Variants in EIF2AK3 observed in about 807,000 individuals in gnomAD.
The protein encoded by EIF2AK3 is eukaryotic translation initiation factor 2-alpha kinase 3.
Under a neutral mutation model 113.5 loss-of-function variants are expected in EIF2AK3, and 50 were observed. That is an observed-to-expected ratio of 0.44 (90% CI 0.35 to 0.56). EIF2AK3 has a LOEUF of 0.56. EIF2AK3 is among the 20% of genes least tolerant of loss of function. EIF2AK3 has a pLI of 0.00. For synonymous variants in EIF2AK3, 448 were observed against 495.4 expected (o/e 0.90, Z 1.27); for missense variants, 1,185 against 1,378.0 (o/e 0.86, Z 2.22).
intron 12 of EIF2AK3, among the ~76,000 whole-genome samples, chr2:88,576,180 A>G (rs1291575576): frequency 6.6e-6 from 1 of 152,222 alleles, no homozygotes; most frequent in Non-Finnish European, 1.5e-5. Flanking sequence ...AAAAGTCACT[A>G]TAAATCCCTC....
chr2:88,559,768 C>T (rs762905368), intron 15 of EIF2AK3, among the ~76,000 whole-genome samples: 9 of 152,128 alleles, frequency 5.9e-5, no homozygotes, highest in Non-Finnish European at 1.2e-4. Flanking sequence ...GATTCATCTA[C>T]GTTGCGGCAC....
intron 1 of EIF2AK3, among the ~76,000 whole-genome samples, chr2:88,621,577 C>T (rs372761420): frequency 1.5e-3 from 224 of 152,250 alleles, no homozygotes; most frequent in South Asian, 7.5e-3. Context: ...AAACTTGTGC[C>T]CTCACTAAAG....
chr2:88,593,479 CTG>C, intron 3 of EIF2AK3, 74 bp from the exon 4 acceptor site: 1 of 1,566,152 alleles, frequency 6.4e-7, no homozygotes, highest in South Asian at 1.1e-5. Flanking sequence ...TTAAAGGAAT[CTG>C]TAATTTTTAA....
At chr2:88,596,681 G>T (rs1458177701) in intron 2 of EIF2AK3, among the ~76,000 whole-genome samples, 3 of 152,154 alleles carry the variant, frequency 2.0e-5, no homozygotes, top group Non-Finnish European at 2.9e-5. Context: ...CAAGGAAAGT[G>T]AACAGGCTGA....
At chr2:88,616,456 C>T (rs951556801) in intron 1 of EIF2AK3, among the ~76,000 whole-genome samples, 5 of 152,096 alleles carry the variant, frequency 3.3e-5, no homozygotes, top group East Asian at 1.9e-4. Flanking sequence ...GACAGAGTTG[C>T]GCTCTTGTCG....
intron 3 of EIF2AK3, among the ~76,000 whole-genome samples, chr2:88,594,502 G>T (rs912375079): frequency 1.3e-5 from 2 of 152,122 alleles, no homozygotes; most frequent in African/African-American, 4.8e-5. Flanking sequence ...TGGTTGAAAG[G>T]ATGCTTTTAA....
chr2:88,567,178 G>A (rs1674153359), intron 14 of EIF2AK3, among the ~76,000 whole-genome samples: 1 of 151,374 alleles, frequency 6.6e-6, no homozygotes, highest in African/African-American at 2.4e-5. Context: ...TGTATATAAA[G>A]CTTAGTATTT....
Position 88,583,442 on chromosome 2 carries a change from C to T in EIF2AK3, c.1751G>A (p.Gly584Glu), listed in dbSNP as rs150314450. The stretch of plus-strand genomic sequence containing the variant: ...ATAAGACTCTTACCGTGATATATAT[C>T]CAGAGTTTTTTATGTCATTCCAGCT... ...DSSWNDIKNS[G>E]YISRYLTDFE... The change falls in exon 10 of 17, where the codon GGA becomes GAA. Residue 584 changes from glycine to glutamate, a missense_variant. Physicochemically the swap from Gly to Glu is moderately conservative, Grantham distance 98. This residue lies in a region of EIF2AK3 where 877 missense variants were observed against 1,024.2 expected (regional missense o/e 0.86). Transcript: ENST00000303236. 1.3e-4 allele frequency: 205 copies of T among 1,611,116 alleles called. No individual in the cohort carries two copies. The African/African-American group carries it at 2.5e-3, about 19-fold the overall frequency.
In EIF2AK3 at chr2:88,573,354, A is replaced by C. The variant is rs572521463; in HGVS notation, c.2817+1312T>G. Among the ~76,000 whole-genome samples, 15 of 152,366 alleles carry C rather than the reference A, an allele frequency of 9.8e-5. No homozygotes were observed. In the South Asian group the frequency reaches 2.9e-3, roughly 29 times the overall value. On this transcript the variant is annotated intron_variant, in intron 13 of 16. Transcript: ENST00000303236. ...AATTAGCAGAAGAATATTCATTATT[A>C]GTGAAAACATGATTCATTGTCTTTC...
At position 88,579,521 on chromosome 2, in the gene EIF2AK3, T is replaced by C. The variant is rs776579341; in HGVS notation, c.1883A>G (p.Asn628Ser). The C allele has an allele frequency of 3.8e-5, 61 of 1,613,596 alleles. No individual in the cohort carries two copies. Among genetic ancestry groups the C allele is most frequent in the South Asian group, 2.0e-4 (18 of 91,086 alleles). ...NYAIKRIRLP[N>S]RELAREKVMR... ...TACTGAAGGTACCACCCATTACCTA[T>C]TGGGGAGACGGATCCTCTTGATAGC... The change falls in exon 11 of 17, where the codon AAT becomes AGT. Residue 628 changes from asparagine to serine, a missense_variant. Coordinates refer to ENST00000303236, the MANE Select transcript of EIF2AK3 (RefSeq NM_004836.7).
At chr2:88,565,632 C>G (rs983858612) in intron 14 of EIF2AK3, among the ~76,000 whole-genome samples, 3 of 152,152 alleles carry the variant, frequency 2.0e-5, no homozygotes, top group Admixed American at 2.0e-4. Context: ...CCATGCCCAA[C>G]CAAAACTGTT....
At chr2:88,583,356 TAAAA>T in intron 10 of EIF2AK3, 70 bp downstream of exon 10, 1 of 1,136,672 alleles carries the variant, frequency 8.8e-7, no homozygotes, top group Non-Finnish European at 1.3e-6. Flanking sequence ...ATCCACACAT[TAAAA>T]AAAAAGTTAA....
At chr2:88,596,897 G>A (rs1317440805) in intron 2 of EIF2AK3, among the ~76,000 whole-genome samples, 1 of 152,188 alleles carries the variant, frequency 6.6e-6, no homozygotes, top group Non-Finnish European at 1.5e-5. Context: ...TATTTCTTCA[G>A]TAAGAGTTTT....
rs752634778 is a variant in EIF2AK3, at chr2:88,575,231, AT to A, written c.2251del (p.Ile751SerfsTer46). On this transcript the variant is annotated frameshift_variant, in exon 13 of 17. Coordinates refer to ENST00000303236, the MANE Select transcript of EIF2AK3 (RefSeq NM_004836.7). LOFTEE classifies it high-confidence loss of function. ...LEFSGMDHEDISESVDAAYNL... is the reference protein window; with the variant it reads ...LEFSGMDHEDXSESVDAAYNL... ...GTATGCTGCATCCACTGACTCACTG[AT>A]GTCCTCATGGTCCATTCCTGAGAAT... is the stretch of plus-strand genomic sequence containing the variant. 3 of 1,613,158 alleles carry A rather than the reference AT, an allele frequency of 1.9e-6. No individual in the cohort carries two copies. Among genetic ancestry groups the A allele is most frequent in the Non-Finnish European group, 2.5e-6 (3 of 1,179,344 alleles).
At position 88,558,772 on chromosome 2, in the gene EIF2AK3, T is replaced by G; in HGVS notation, c.3150+145A>C. 6.4e-6 allele frequency: 4 copies of G among 628,172 alleles called. No homozygotes were observed. In the South Asian group the frequency reaches 8.5e-5, roughly 13 times the overall value. 38.9% of individuals were successfully genotyped at this position (628,172 alleles called of 1,614,324 possible). Reference sequence around the variant, plus strand: ...GCTCCAGTGTTTGGTTTTAACAAATTCTGGGCTCTTGGGAGCAGGTCTCTT... The same window carrying G: ...GCTCCAGTGTTTGGTTTTAACAAATGCTGGGCTCTTGGGAGCAGGTCTCTT... On this transcript the variant is annotated intron_variant, in intron 16 of 16. Transcript: ENST00000303236.
At chr2:88,626,174 A>C (rs183961576) in intron 1 of EIF2AK3, among the ~76,000 whole-genome samples, 17 of 152,332 alleles carry the variant, frequency 1.1e-4, no homozygotes, top group Admixed American at 1.1e-3. Flanking sequence ...AAGTGCTTTA[A>C]AACAATCACC....
At chr2:88,606,163 G>C (rs1675267107) in intron 2 of EIF2AK3, among the ~76,000 whole-genome samples, 1 of 151,950 alleles carries the variant, frequency 6.6e-6, no homozygotes, top group Non-Finnish European at 1.5e-5. Flanking sequence ...TGCCTCAAGG[G>C]AAACTACCAG....
At chr2:88,604,796 T>TGTA (rs1388901273) in intron 2 of EIF2AK3, among the ~76,000 whole-genome samples, 1 of 152,230 alleles carries the variant, frequency 6.6e-6, no homozygotes, top group Non-Finnish European at 1.5e-5. Context: ...CTAAGTATGC[T>TGTA]GTACGCAAGA....
At chr2:88,576,877 G>A (rs1674474133) in intron 11 of EIF2AK3, among the ~76,000 whole-genome samples, 174 bp from the exon 12 acceptor site, 1 of 152,070 alleles carries the variant, frequency 6.6e-6, no homozygotes, top group Non-Finnish European at 1.5e-5. Context: ...CAACACTGAA[G>A]GCTGTTCATA....
Sources: allele counts gnomAD v4.1 joint callset (sites outside exome capture counted in the v4.1 genomes callset), GRCh38; gene constraint gnomAD v4.1.1; regional missense constraint gnomAD v4.1.1; transcripts MANE v1.5; gene names NCBI Gene and HGNC (gene_info 2026-07-23, HGNC 2026-07-21).